The following EFNB2 variants were observed in gnomAD, a reference collection of about 807,000 sequenced individuals.
EFNB2 encodes ephrin-B2.
A neutral mutation model predicts 32.1 loss-of-function variants in EFNB2; 5 were observed. That is an observed-to-expected ratio of 0.16 (90% confidence interval 0.08 to 0.33). The LOEUF is 0.33. EFNB2 is among the 10% of genes least tolerant of loss of function. The pLI is 1.00. For synonymous variants in EFNB2, 168 were observed against 166.5 expected (o/e 1.01, Z -0.07); for missense variants, 263 against 422.6 (o/e 0.62, Z 3.31).
chr13:106,511,789 G>A (rs1014688702), intron 2 of EFNB2, among the ~76,000 whole-genome samples: 2 of 152,040 alleles, frequency 1.3e-5, no homozygotes, highest in East Asian at 1.9e-4. Context: ...TGGGAATGAC[G>A]CTGACGAGAG....
chr13:106,528,691 A>G (rs1488397175), intron 1 of EFNB2, among the ~76,000 whole-genome samples: 1 of 152,160 alleles, frequency 6.6e-6, no homozygotes, highest in Non-Finnish European at 1.5e-5. Context: ...CCGATTGCGG[A>G]TGTCACTCTG....
rs72656498 is a variant in EFNB2 at position 106,498,499 on chromosome 13, C to T, written c.407-2659G>A. Reference sequence around the variant, plus strand: ...GCGGAGCTCCCTAGGTTTACCAAAACGGGGTCTTGACAACCACAAATGTAA... The same window carrying T: ...GCGGAGCTCCCTAGGTTTACCAAAATGGGGTCTTGACAACCACAAATGTAA... On this transcript the variant is annotated intron_variant, in intron 2 of 4. Coordinates refer to ENST00000646441, the MANE Select transcript of EFNB2 (RefSeq NM_004093.4). Among the ~76,000 whole-genome samples, 28 of 152,070 alleles carry T rather than the reference C, an allele frequency of 1.8e-4. No individual in the cohort carries two copies. In the South Asian group the frequency reaches 2.3e-3, roughly 12 times the overall value.
At chr13:106,531,859 C>T (rs183412743) in intron 1 of EFNB2, among the ~76,000 whole-genome samples, 3 of 152,134 alleles carry the variant, frequency 2.0e-5, no homozygotes, top group Non-Finnish European at 4.4e-5. Context: ...CATTAGTACT[C>T]GAAATTTTCA....
intron 2 of EFNB2, among the ~76,000 whole-genome samples, chr13:106,505,102 A>G (rs1284057397): frequency 6.6e-6 from 1 of 152,152 alleles, no homozygotes; most frequent in Non-Finnish European, 1.5e-5. Context: ...CAAGCTGGTT[A>G]TATGTTACAC....
At chr13:106,510,438 T>G (rs1332702769) in intron 2 of EFNB2, among the ~76,000 whole-genome samples, 2 of 152,216 alleles carry the variant, frequency 1.3e-5, no homozygotes, top group Non-Finnish European at 2.9e-5. Flanking sequence ...AACTTAGAAT[T>G]TGCAAAGCAT....
intron 2 of EFNB2, among the ~76,000 whole-genome samples, chr13:106,499,816 T>C (rs1360765829): frequency 1.3e-5 from 2 of 152,206 alleles, no homozygotes; most frequent in Non-Finnish European, 2.9e-5. Context: ...ACAGCCTGTT[T>C]TTAAAAGCTT....
At chr13:106,527,527 T>C (rs1247570904) in intron 1 of EFNB2, among the ~76,000 whole-genome samples, 1 of 152,246 alleles carries the variant, frequency 6.6e-6, no homozygotes, top group Non-Finnish European at 1.5e-5. Context: ...TCCCTTGCTA[T>C]GTTTTCTTAT....
intron 4 of EFNB2, among the ~76,000 whole-genome samples, chr13:106,494,361 A>G (rs549666128): frequency 4.3e-4 from 65 of 152,370 alleles, no homozygotes; most frequent in African/African-American, 1.5e-3. Context: ...GGTATTCTAC[A>G]CTTTTGTCAG....
intron 1 of EFNB2, among the ~76,000 whole-genome samples, chr13:106,526,137 C>G (rs1387439386): frequency 6.6e-6 from 1 of 152,138 alleles, no homozygotes; most frequent in East Asian, 1.9e-4. Flanking sequence ...TTTTCTCAAG[C>G]CCTGCAGGGG....
intron 1 of EFNB2, among the ~76,000 whole-genome samples, chr13:106,532,939 TTC>T (rs1460568599): frequency 2.6e-5 from 4 of 152,292 alleles, no homozygotes; most frequent in African/African-American, 9.6e-5. Flanking sequence ...TGTTCTACTT[TTC>T]TTTTTCTCCC....
chr13:106,533,102 GAA>G (rs61297084), intron 1 of EFNB2, among the ~76,000 whole-genome samples: 1 of 147,442 alleles, frequency 6.8e-6, no homozygotes, highest in African/African-American at 2.5e-5. Flanking sequence ...ATCCTCATAA[GAA>G]AAAAAAAAAC....
At chr13:106,494,786 T>A (rs1177516324) in intron 4 of EFNB2, 95 bp downstream of exon 4, 1 of 898,014 alleles carries the variant, frequency 1.1e-6, no homozygotes, top group Non-Finnish European at 1.8e-6. Context: ...TAATCCTAAC[T>A]GGTTAGAAGT....
chr13:106,502,467 C>T (rs1356052894), intron 2 of EFNB2, among the ~76,000 whole-genome samples: 1 of 152,116 alleles, frequency 6.6e-6, no homozygotes, highest in Admixed American at 6.5e-5. Flanking sequence ...AACTTTGAAG[C>T]AGTTTGGTAA....
intron 1 of EFNB2, among the ~76,000 whole-genome samples, chr13:106,530,285 G>C (rs1166388737): frequency 6.6e-6 from 1 of 152,146 alleles, no homozygotes; most frequent in Admixed American, 6.5e-5. Flanking sequence ...GAAGGGGGGA[G>C]CTGTTCCCTG....
intron 2 of EFNB2, among the ~76,000 whole-genome samples, chr13:106,505,787 A>G (rs900925243): frequency 4.6e-5 from 7 of 152,238 alleles, no homozygotes; most frequent in African/African-American, 1.2e-4. Flanking sequence ...GCCATAAATA[A>G]GGTGCTAAAG....
At chr13:106,497,585 C>T (rs1878633856) in intron 2 of EFNB2, among the ~76,000 whole-genome samples, 2 of 152,050 alleles carry the variant, frequency 1.3e-5, no homozygotes, top group African/African-American at 4.8e-5. Context: ...TACATGTGCA[C>T]AACGTGCAGG....
intron 2 of EFNB2, among the ~76,000 whole-genome samples, chr13:106,509,074 G>A (rs374467464): frequency 6.6e-6 from 1 of 152,178 alleles, no homozygotes; most frequent in Non-Finnish European, 1.5e-5. Flanking sequence ...GGAGGAGACC[G>A]CCATCATTAG....
intron 1 of EFNB2, among the ~76,000 whole-genome samples, chr13:106,523,355 T>G (rs1879598414): frequency 6.6e-6 from 1 of 152,196 alleles, no homozygotes; most frequent in Non-Finnish European, 1.5e-5. Flanking sequence ...ATTTATTTCC[T>G]GCTTAGTCAC....
At chr13:106,525,867 A>G (rs1566463277) in intron 1 of EFNB2, among the ~76,000 whole-genome samples, 1 of 152,242 alleles carries the variant, frequency 6.6e-6, no homozygotes. Context: ...TGAATTAACA[A>G]CAAATACTCC....
Sources: gnomAD v4.1 joint callset for allele counts (sites outside exome capture counted in the v4.1 genomes callset) on GRCh38, gnomAD v4.1.1 for gene constraint, MANE v1.5 for transcripts, NCBI Gene and HGNC (gene_info 2026-07-23, HGNC 2026-07-21) for gene names.